The following PHYHD1 variants were observed in gnomAD, a reference collection of about 807,000 sequenced individuals.
PHYHD1 encodes the protein phytanoyl-CoA dioxygenase domain-containing protein 1.
In PHYHD1, 42 loss-of-function variants were observed where a neutral mutation model predicts 43.6. That is an observed-to-expected ratio of 0.96 (90% CI 0.75 to 1.25). PHYHD1 has a LOEUF of 1.25. PHYHD1 is among the 50% of genes most tolerant of loss of function. The pLI, the probability that PHYHD1 is intolerant of heterozygous loss-of-function variation, is 0.00. For missense variants in PHYHD1, 342 were observed against 370.8 expected (o/e 0.92, Z 0.64); for synonymous variants, 139 against 143.6 (o/e 0.97, Z 0.23).
Position 128,941,843 on chromosome 9 carries a change from T to C in PHYHD1, c.*130T>C, listed in dbSNP as rs10115980. Reference sequence around the variant, plus strand: ...CCCCTCCTGGGCTTTCCTCCTGCCCTGTGGGCAGCAGCCTAGGCTGGGTCA... The same window carrying C: ...CCCCTCCTGGGCTTTCCTCCTGCCCCGTGGGCAGCAGCCTAGGCTGGGTCA... On this transcript the variant is annotated 3_prime_UTR_variant, in exon 13 of 13. Coordinates refer to ENST00000372592, the MANE Select transcript of PHYHD1 (RefSeq NM_001100876.2). 5,014 of 1,286,682 alleles carry C rather than the reference T, an allele frequency of 3.9e-3. 127 individuals are homozygous for C. In the African/African-American group the frequency reaches 0.059, roughly 15 times the overall value. 79.7% of individuals were successfully genotyped at this position (1,286,682 alleles called of 1,614,324 possible).
chr9:128,928,833 A>G (rs1269252431), intron 4 of PHYHD1, among the ~76,000 whole-genome samples: 1 of 152,206 alleles, frequency 6.6e-6, no homozygotes, highest in Non-Finnish European at 1.5e-5. Flanking sequence ...TGTGAGAAAA[A>G]AAAAGATCAG....
chr9:128,940,649 A>C lies in PHYHD1; in HGVS notation c.637A>C (p.Thr213Pro), dbSNP rs1053215151. ...GGCCCCTGTTGGCTCAGCGCCTGGT[A>C]CCAGCTTCCTTGGGTCAGAGCCAGC... The part of the protein sequence containing the change: ...VRAPVGSAPG[T>P]SFLGSEPARD... Residue 213 changes from threonine (T) to proline (P), a missense_variant, in exon 11 of 13, where the codon ACC becomes CCC. Coordinates refer to ENST00000372592, the MANE Select transcript of PHYHD1 (RefSeq NM_001100876.2). The C allele has an allele frequency of 2.5e-6, 4 of 1,614,142 alleles. No individual in the cohort carries two copies. The highest frequency in any genetic ancestry group is 3.4e-6 in the Non-Finnish European group (4 of 1,180,028).
At chr9:128,924,107 A>G (rs774857593) in intron 3 of PHYHD1, among the ~76,000 whole-genome samples, 18 of 151,490 alleles carry the variant, frequency 1.2e-4, no homozygotes, top group Non-Finnish European at 2.1e-4. Flanking sequence ...CAACAGAACA[A>G]GACTGCGTCT....
chr9:128,935,641 C>T (rs918890366), intron 6 of PHYHD1, among the ~76,000 whole-genome samples: 15 of 151,770 alleles, frequency 9.9e-5, no homozygotes, highest in South Asian at 8.3e-4. Flanking sequence ...CGGTGGTTCA[C>T]GCCTGTAATC....
At chr9:128,931,093 C>G (rs757902123) in intron 4 of PHYHD1, among the ~76,000 whole-genome samples, 1 of 152,036 alleles carries the variant, frequency 6.6e-6, no homozygotes, top group South Asian at 2.1e-4. Flanking sequence ...TGGTTCCAGA[C>G]CACTGCAATA....
rs868636980 is a variant in PHYHD1 at position 128,933,639 on chromosome 9, G to T, written c.193-143G>T. 25 of 848,500 alleles carry T rather than the reference G, an allele frequency of 2.9e-5. No homozygotes were observed. In the Admixed American group the frequency reaches 4.5e-4, roughly 15 times the overall value. The allele number at this position is 848,500 out of a possible 1,614,324, so 52.6% of individuals were successfully genotyped here. ...CTTGAAGTTCTGGCTCACTGTCTGT[G>T]CCTCAGTGGACAAGTCTGAGAAGCC... On this transcript the variant is annotated intron_variant, in intron 4 of 12. Coordinates refer to ENST00000372592, the MANE Select transcript of PHYHD1 (RefSeq NM_001100876.2).
intron 4 of PHYHD1, among the ~76,000 whole-genome samples, chr9:128,932,178 A>ATTTTTTTTTTTTTT (rs200138931): frequency 9.3e-6 from 1 of 107,872 alleles, no homozygotes; most frequent in African/African-American, 4.5e-5. Context: ...TGTTATTATT[A>ATTTTTTTTTTTTTT]TTATTATTTT....
chr9:128,925,326 A>G (rs1444092329), intron 3 of PHYHD1, among the ~76,000 whole-genome samples: 1 of 151,318 alleles, frequency 6.6e-6, no homozygotes, highest in African/African-American at 2.4e-5. Flanking sequence ...GCTGAGTTCA[A>G]ATGATTCTCC....
chr9:128,934,425 C>A (rs7849649), intron 6 of PHYHD1, among the ~76,000 whole-genome samples: 58,635 of 149,598 alleles, frequency 0.39, 11,586 homozygotes, highest in Admixed American at 0.43. Context: ...AAGGAAAAAG[C>A]ATGGGGAAAC....
At position 128,931,824 on chromosome 9, in the gene PHYHD1, G is replaced by T. The variant is rs1330717017; in HGVS notation, c.193-1958G>T. 2.1e-5 allele frequency among the ~76,000 whole-genome samples: 3 copies of T among 146,038 alleles called. No individual in the cohort carries two copies. The East Asian group carries it at 5.9e-4, about 29-fold the overall frequency. On this transcript the variant is annotated intron_variant, in intron 4 of 12. Transcript: ENST00000372592. ...TTACAGGCGTGAGCCACCTCGCCCGGCCTTTCTTTCTTTCTTTCTTTCTTT... is the reference window on the plus strand; with the variant it reads ...TTACAGGCGTGAGCCACCTCGCCCGTCCTTTCTTTCTTTCTTTCTTTCTTT...
At chr9:128,931,055 C>T (rs965316902) in intron 4 of PHYHD1, among the ~76,000 whole-genome samples, 1 of 151,928 alleles carries the variant, frequency 6.6e-6, no homozygotes, top group Non-Finnish European at 1.5e-5. Flanking sequence ...AACACATGTA[C>T]AGGCATGTCT....
At chr9:128,928,951 C>T (rs1169580394) in intron 4 of PHYHD1, among the ~76,000 whole-genome samples, 3 of 152,146 alleles carry the variant, frequency 2.0e-5, no homozygotes, top group Non-Finnish European at 4.4e-5. Flanking sequence ...TGATACTTGT[C>T]CAAGTAGGGG....
intron 3 of PHYHD1, among the ~76,000 whole-genome samples, chr9:128,925,443 C>G (rs980575329): frequency 6.6e-5 from 10 of 151,942 alleles, no homozygotes; most frequent in African/African-American, 2.4e-4. Context: ...CCAGGCTAGT[C>G]TCCGACTCCT....
At chr9:128,924,137 C>T (rs1841074011) in intron 3 of PHYHD1, among the ~76,000 whole-genome samples, 1 of 151,490 alleles carries the variant, frequency 6.6e-6, no homozygotes, top group South Asian at 2.1e-4. Context: ...AATAAACAGG[C>T]CGGGCGCAGT....
intron 3 of PHYHD1, among the ~76,000 whole-genome samples, chr9:128,926,558 C>CTTTTTTTTTTTTTTTT (rs56677426): frequency 8.4e-6 from 1 of 119,116 alleles, no homozygotes; most frequent in Non-Finnish European, 1.7e-5. Context: ...CTTTTTCTTT[C>CTTTTTTTTTTTTTTTT]TTTTTTTTTT....
rs1027605084 is a variant in PHYHD1 at position 128,936,614 on chromosome 9, C to T, written c.404C>T (p.Pro135Leu). The T allele has an allele frequency of 6.4e-7, 1 of 1,562,510 alleles. No homozygotes were observed. The highest frequency in any genetic ancestry group is 1.2e-5 in the South Asian group (1 of 85,040). ...TLARSLGLQMPVVVQSMYIFK... is the reference protein window; with the variant it reads ...TLARSLGLQMLVVVQSMYIFK... ...GCCAGAAGTCTGGGCCTCCAGATGC[C>T]CGTGGTGGTGCAGAGCATGTACATC... Residue 135 changes from proline to leucine, a missense_variant, in exon 8 of 13, where the codon CCC becomes CTC. Pro to Leu is a moderately conservative substitution (Grantham distance 98). Transcript: ENST00000372592.
intron 3 of PHYHD1, among the ~76,000 whole-genome samples, chr9:128,924,135 G>A (rs1032533783): frequency 6.6e-6 from 1 of 151,540 alleles, no homozygotes; most frequent in African/African-American, 2.4e-5. Flanking sequence ...AAAATAAACA[G>A]GCCGGGCGCA....
intron 4 of PHYHD1, 44 bp from the exon 5 acceptor site, chr9:128,933,738 A>G: frequency 6.3e-7 from 1 of 1,591,858 alleles, no homozygotes; most frequent in Non-Finnish European, 8.6e-7. Context: ...CCCAGCTCTG[A>G]CCCCAGGATG....
chr9:128,928,324 T>C (rs1841189022), intron 4 of PHYHD1, among the ~76,000 whole-genome samples: 1 of 152,146 alleles, frequency 6.6e-6, no homozygotes, highest in South Asian at 2.1e-4. Flanking sequence ...CAAGGGTTCC[T>C]AGGAGTAAGA....
Sources: allele counts gnomAD v4.1 joint callset (sites outside exome capture counted in the v4.1 genomes callset), GRCh38; gene constraint gnomAD v4.1.1; transcripts MANE v1.5; gene names NCBI Gene and HGNC (gene_info 2026-07-23, HGNC 2026-07-21).